The following TSPAN4 variants were observed in gnomAD, a reference collection of about 807,000 sequenced individuals.
TSPAN4 encodes the protein tetraspanin 4.
In TSPAN4, 38 loss-of-function variants were observed where a neutral mutation model predicts 31.5. The observed-to-expected ratio is 1.21, with a 90% CI of 0.93 to 1.58. The LOEUF (loss-of-function observed/expected upper bound fraction) is 1.58. Ranked by LOEUF, TSPAN4 falls within the 40% of genes most tolerant of loss-of-function variation. TSPAN4 has a pLI of 0.00. For missense variants in TSPAN4, 330 were observed against 317.3 expected, an observed-to-expected ratio of 1.04 and a Z score of -0.30; for synonymous variants, 186 against 144.6, an observed-to-expected ratio of 1.29 and a Z score of -2.06.
At position 850,270 on chromosome 11, in the gene TSPAN4, C is replaced by A. The variant is rs1215783738; in HGVS notation, c.-17-18C>A. ...TACGTGGTTTTCTACCTGGACCTCT[C>A]CTTCATCTTCCTCCTAGAACTGAAG... On this transcript the variant is annotated intron_variant, in intron 2 of 8. Coordinates refer to ENST00000397397, the MANE Select transcript of TSPAN4 (RefSeq NM_003271.5). 1.3e-6 allele frequency: 2 copies of A among 1,594,720 alleles called. No homozygotes were observed. The highest frequency in any genetic ancestry group is 1.7e-6 in the Non-Finnish European group (2 of 1,170,022).
At chr11:847,743 G>C (rs1847401718) in intron 2 of TSPAN4, among the ~76,000 whole-genome samples, 1 of 152,038 alleles carries the variant, frequency 6.6e-6, no homozygotes, top group Admixed American at 6.5e-5. Context: ...GGTGGGAGGG[G>C]TCTTAGGGGA....
intron 3 of TSPAN4, among the ~76,000 whole-genome samples, chr11:860,114 G>A (rs369757752): frequency 3.9e-5 from 6 of 152,346 alleles, no homozygotes; most frequent in Non-Finnish European, 5.9e-5. Context: ...TCCGGACAGC[G>A]TTCTGTTTTG....
In TSPAN4 at chr11:867,085, T is replaced by C. The variant is rs1413523933; in HGVS notation, c.*455T>C. On this transcript the variant is annotated 3_prime_UTR_variant, in exon 9 of 9. Coordinates refer to ENST00000397397, the MANE Select transcript of TSPAN4 (RefSeq NM_003271.5). ...CATAGTGGGCCCGTGGGGCTCCTGG[T>C]GCATCTTAATAAAGTGTGAGCAGCA... is the stretch of plus-strand genomic sequence containing the variant. 2.5e-5 allele frequency: 4 copies of C among 159,852 alleles called. No individual in the cohort carries two copies. Among genetic ancestry groups the C allele is most frequent in the African/African-American group, 9.6e-5 (4 of 41,768 alleles). The allele number at this position is 159,852 out of a possible 1,614,324, so 9.9% of individuals were successfully genotyped here. A position where few individuals can be genotyped will look rare whatever the true frequency, so the allele number is the denominator to read the frequency against.
intron 3 of TSPAN4, chr11:857,296 A>G (rs370862592): frequency 3.9e-5 from 6 of 151,926 alleles, no homozygotes; most frequent in East Asian, 1.9e-4. Context: ...GTGTCCTTCG[A>G]CACATCCCCA....
At chr11:844,673 T>A (rs1168130537) in intron 1 of TSPAN4, 8 of 71,746 alleles carry the variant, frequency 1.1e-4, no homozygotes, top group Non-Finnish European at 2.1e-4. Context: ...CTCTCCTGGG[T>A]GTGGAGTGTT....
chr11:861,997 T>C lies in TSPAN4; in HGVS notation c.64-553T>C, dbSNP rs145300990. Among the ~76,000 whole-genome samples the C allele has an allele frequency of 5.1e-4, 78 of 151,878 alleles. No homozygotes were observed. In the East Asian group the frequency reaches 0.014, roughly 28 times the overall value. ...GAATCAGCGTTTCTCCTGCCACGAG[T>C]GACAGGGGACAGCTGGGGACATCAC... is the stretch of plus-strand genomic sequence containing the variant. On this transcript the variant is annotated intron_variant, in intron 3 of 8. Transcript: ENST00000397397.
chr11:864,601 TG>T, intron 5 of TSPAN4, 90 bp downstream of exon 5: 1 of 1,522,154 alleles, frequency 6.6e-7, no homozygotes, highest in Non-Finnish European at 9.0e-7. Context: ...GTGGACAGAG[TG>T]GCCCTGCATG....
chr11:852,947 G>A (rs950566226), intron 3 of TSPAN4, among the ~76,000 whole-genome samples: 1 of 152,222 alleles, frequency 6.6e-6, no homozygotes, highest in African/African-American at 2.4e-5. Context: ...GGGCATGGGG[G>A]AGCCCCAGTG....
At position 865,905 on chromosome 11, in the gene TSPAN4, T is replaced by G; in HGVS notation, c.565-13T>G. On this transcript the variant is annotated splice_polypyrimidine_tract_variant and intron_variant, in intron 7 of 8. Coordinates refer to ENST00000397397, the MANE Select transcript of TSPAN4 (RefSeq NM_003271.5). ...AGGCCCTGCCGTGACACGCATGACA[T>G]CCCTCCCTGCAGCCGTGCTACGAGA... The G allele has an allele frequency of 3.7e-6, 6 of 1,612,922 alleles. No homozygotes were observed. The highest frequency in any genetic ancestry group is 5.1e-6 in the Non-Finnish European group (6 of 1,179,922).
chr11:862,873 G>C (rs1351999042), intron 4 of TSPAN4, 132 bp downstream of exon 4: 2 of 1,023,092 alleles, frequency 2.0e-6, no homozygotes, highest in African/African-American at 3.3e-5. Flanking sequence ...CTCCAGGCTG[G>C]CAGTGTGGCC....
At chr11:850,137 T>C in intron 2 of TSPAN4, 151 bp from the exon 3 acceptor site, 1 of 587,860 alleles carries the variant, frequency 1.7e-6, no homozygotes, top group Non-Finnish European at 2.9e-6. Context: ...CAGCAGCCTA[T>C]ACGGGCGCGC....
At chr11:858,210 G>C (rs1301307883) in intron 3 of TSPAN4, 1 of 152,558 alleles carries the variant, frequency 6.6e-6, no homozygotes, top group Non-Finnish European at 1.5e-5. Flanking sequence ...TGTTACGAGG[G>C]ACACCTCTCC....
intron 2 of TSPAN4, among the ~76,000 whole-genome samples, chr11:849,096 T>C (rs551418756): frequency 6.6e-6 from 1 of 152,240 alleles, no homozygotes; most frequent in Admixed American, 6.5e-5. Flanking sequence ...TGCGCGCGAC[T>C]GCCCTTGAAG....
intron 1 of TSPAN4, among the ~76,000 whole-genome samples, chr11:845,989 C>T (rs1035415812): frequency 4.6e-5 from 7 of 152,292 alleles, no homozygotes; most frequent in South Asian, 4.1e-4. Flanking sequence ...GGGCTTGGGA[C>T]GGGCACTGGG....
intron 1 of TSPAN4, 120 bp downstream of exon 1, chr11:843,035 C>T (rs1010893748): frequency 6.6e-6 from 1 of 151,836 alleles, no homozygotes; most frequent in Non-Finnish European, 1.5e-5. Context: ...AGAGCCGACA[C>T]GCAGCAACAA....
intron 3 of TSPAN4, 135 bp from the exon 4 acceptor site, chr11:862,415 G>A: frequency 1.3e-6 from 1 of 780,766 alleles, no homozygotes; most frequent in East Asian, 2.8e-5. Context: ...GTGGGATCTA[G>A]CAGGACTCTG....
intron 5 of TSPAN4, chr11:864,929 A>G: frequency 1.1e-5 from 1 of 93,882 alleles, no homozygotes; most frequent in South Asian, 1.4e-4. Context: ...TTGCACTCCG[A>G]GCTAGAACAC....
At chr11:852,409 A>G (rs1847804697) in intron 3 of TSPAN4, among the ~76,000 whole-genome samples, 1 of 152,096 alleles carries the variant, frequency 6.6e-6, no homozygotes, top group Admixed American at 6.5e-5. Flanking sequence ...GGCGGCCCCA[A>G]TTATTTTTTA....
chr11:860,151 G>C (rs1423186075), intron 3 of TSPAN4, among the ~76,000 whole-genome samples: 1 of 152,234 alleles, frequency 6.6e-6, no homozygotes, highest in African/African-American at 2.4e-5. Context: ...GCTACCTCTG[G>C]AAGGCCGGGG....
Sources: gnomAD v4.1 joint callset for allele counts (sites outside exome capture counted in the v4.1 genomes callset) on GRCh38, gnomAD v4.1.1 for gene constraint, MANE v1.5 for transcripts, NCBI Gene and HGNC (gene_info 2026-07-23, HGNC 2026-07-21) for gene names.